Variants in SLIT1 observed in about 807,000 individuals in gnomAD.
The protein encoded by SLIT1 is slit guidance ligand 1.
In SLIT1, 66 loss-of-function variants were observed where a neutral mutation model predicts 186.1. The observed-to-expected ratio is 0.35, with a 90% CI of 0.29 to 0.44. SLIT1 has a LOEUF of 0.44. Ranked by LOEUF, SLIT1 falls within the 20% of genes least tolerant of loss-of-function variation. The pLI is 1.00. For synonymous variants in SLIT1, 761 were observed against 833.8 expected (o/e 0.91, Z 1.50); for missense variants, 1,638 against 2,037.4 (o/e 0.80, Z 3.77).
chr10:97,068,326 G>C lies in SLIT1; in HGVS notation c.414-2240C>G, dbSNP rs1057113712. Among the ~76,000 whole-genome samples the C allele has an allele frequency of 5.3e-5, 8 of 152,110 alleles. No homozygotes were observed. The East Asian group carries it at 7.7e-4, about 15-fold the overall frequency. ...AGGCACCCTTCCCCTCCCGAGCCCA[G>C]TTTCCTCATGTACAAAATGGGAAAA... is the stretch of plus-strand genomic sequence containing the variant. On this transcript the variant is annotated intron_variant, in intron 4 of 36. Coordinates refer to ENST00000266058, the MANE Select transcript of SLIT1 (RefSeq NM_003061.3). The surrounding 1 kb of genome is among the most constrained non-coding windows in gnomAD (Gnocchi z 4.2).
In SLIT1 at chr10:97,018,099, G is replaced by A. The variant is rs12254983; in HGVS notation, c.2969+487C>T. Among the ~76,000 whole-genome samples, 912 of 152,076 alleles carry A rather than the reference G, an allele frequency of 6.0e-3. 12 individuals are homozygous for A. The highest frequency in any genetic ancestry group is 0.02 in the African/African-American group (841 of 41,486). ...CCTGACCTCGTGATCTGCCCACCTC[G>A]GCCTCCCAAAGTGTTGGGATTACAG... On this transcript the variant is annotated intron_variant, in intron 28 of 36. Coordinates refer to ENST00000266058, the MANE Select transcript of SLIT1 (RefSeq NM_003061.3).
intron 4 of SLIT1, among the ~76,000 whole-genome samples, chr10:97,103,925 G>A (rs989180470): frequency 2.0e-5 from 3 of 152,236 alleles, no homozygotes; most frequent in African/African-American, 7.2e-5. Flanking sequence ...CTCCCACGGC[G>A]GGAGTGCAGA....
intron 4 of SLIT1, among the ~76,000 whole-genome samples, chr10:97,115,268 G>T (rs1194079722): frequency 6.6e-6 from 1 of 152,150 alleles, no homozygotes; most frequent in Non-Finnish European, 1.5e-5. Context: ...AATGCTTGAG[G>T]CTCAACATCC....
At chr10:97,061,950 G>A (rs1029601248) in intron 8 of SLIT1, among the ~76,000 whole-genome samples, 7 of 152,200 alleles carry the variant, frequency 4.6e-5, no homozygotes, top group African/African-American at 1.4e-4. Context: ...AAAGCTACAT[G>A]GATTCCTGGC....
intron 4 of SLIT1, among the ~76,000 whole-genome samples, chr10:97,125,733 G>A (rs1206678393): frequency 3.9e-5 from 6 of 151,972 alleles, no homozygotes; most frequent in Non-Finnish European, 8.8e-5. Flanking sequence ...CAGCTACTCG[G>A]GAGGCTGAGG....
intron 14 of SLIT1, among the ~76,000 whole-genome samples, chr10:97,048,365 G>A (rs539150892): frequency 1.3e-5 from 2 of 152,282 alleles, no homozygotes; most frequent in Admixed American, 6.5e-5. Flanking sequence ...CAGATGCCAC[G>A]TGGACTACAA....
chr10:97,016,170 G>A (rs7093792), intron 28 of SLIT1, among the ~76,000 whole-genome samples: 16,004 of 151,946 alleles, frequency 0.11, 1,326 homozygotes, highest in East Asian at 0.31. Context: ...TTAGCCGGGT[G>A]TGGTGGTGCA....
intron 4 of SLIT1, among the ~76,000 whole-genome samples, chr10:97,131,037 A>G (rs1373668983): frequency 6.6e-6 from 1 of 152,200 alleles, no homozygotes; most frequent in East Asian, 1.9e-4. Flanking sequence ...CAGGACATAG[A>G]ACAGAGCCTG....
intron 4 of SLIT1, among the ~76,000 whole-genome samples, chr10:97,120,001 A>G (rs371438914): frequency 7.0e-6 from 1 of 143,662 alleles, no homozygotes; most frequent in South Asian, 2.2e-4. Context: ...TTTATCTGTC[A>G]GTTACCTTCT....
intron 25 of SLIT1, among the ~76,000 whole-genome samples, chr10:97,024,914 A>C (rs1848532083): frequency 6.6e-6 from 1 of 152,156 alleles, no homozygotes; most frequent in Non-Finnish European, 1.5e-5. Context: ...GTCCCTCCAT[A>C]AATGTCAGCA....
At chr10:97,104,922 C>T (rs1849397649) in intron 4 of SLIT1, among the ~76,000 whole-genome samples, 1 of 152,156 alleles carries the variant, frequency 6.6e-6, no homozygotes, top group South Asian at 2.1e-4. Flanking sequence ...CCCCAGGAAA[C>T]CCCACCTCCC....
intron 1 of SLIT1, among the ~76,000 whole-genome samples, chr10:97,166,557 A>AAG (rs796735405): frequency 1.1e-3 from 62 of 55,178 alleles, no homozygotes; most frequent in Middle Eastern, 7.7e-3. Flanking sequence ...GAAGGAAGGA[A>AAG]AGAGAGAGAG....
intron 4 of SLIT1, among the ~76,000 whole-genome samples, chr10:97,106,413 A>AATGG (rs1247796503): frequency 2.7e-4 from 41 of 152,284 alleles, no homozygotes; most frequent in African/African-American, 9.6e-4. Flanking sequence ...TGAACGAATG[A>AATGG]ATGAATGAAT....
At chr10:97,081,441 C>T (rs1267730647) in intron 4 of SLIT1, among the ~76,000 whole-genome samples, 1 of 152,206 alleles carries the variant, frequency 6.6e-6, no homozygotes, top group Non-Finnish European at 1.5e-5. Context: ...TCCATTCCCT[C>T]TTCCTCAGGG....
At chr10:97,115,206 A>G (rs1255610722) in intron 4 of SLIT1, among the ~76,000 whole-genome samples, 1 of 152,172 alleles carries the variant, frequency 6.6e-6, no homozygotes, top group Admixed American at 6.5e-5. Context: ...GTTGGTTTAG[A>G]GATTGCCCAC....
rs751175873 is a variant in SLIT1 at position 97,030,788 on chromosome 10, T to C, written c.2551A>G (p.Ile851Val). Residue 851 changes from isoleucine to valine, a missense_variant, in exon 25 of 37, where the codon ATC becomes GTC. Coordinates refer to ENST00000266058, the MANE Select transcript of SLIT1 (RefSeq NM_003061.3). ...GNDISTLQEGIFADVTSLSHL... is the reference protein window; with the variant it reads ...GNDISTLQEGVFADVTSLSHL... ...GACAGGGAGGTCACGTCTGCAAAGA[T>C]GCCCTCTTGGAGGGTGGAGATGTCA... The C allele has an allele frequency of 6.2e-7, 1 of 1,614,046 alleles. No individual in the cohort carries two copies. The highest frequency in any genetic ancestry group is 1.1e-5 in the South Asian group (1 of 91,036).
At position 97,056,411 on chromosome 10, in the gene SLIT1, A is replaced by T. The variant is rs1299756846; in HGVS notation, c.1211T>A (p.Leu404Gln). 1 of 1,614,174 alleles carries T rather than the reference A, an allele frequency of 6.2e-7. No homozygotes were observed. The highest frequency in any genetic ancestry group is 8.5e-7 in the Non-Finnish European group (1 of 1,179,996). ...NCIRPDAFQD[L>Q]QNLSLLSLYD... is the part of the protein sequence containing the mutation. ...CAGGGAGAGCAGTGAGAGGTTCTGC[A>T]GGTCCTGGAAGGCATCGGGCCGGAT... is the stretch of plus-strand genomic sequence containing the variant. The change falls in exon 13 of 37, where the codon CTG (leucine) becomes CAG (glutamine). Residue 404 changes from leucine (L) to glutamine (Q), a missense_variant. Around this residue, in one of 3 missense-constraint regions of SLIT1, gnomAD observed 1,245 missense variants for 1,535.3 expected, o/e 0.81. Transcript: ENST00000266058.
At chr10:97,037,481 A>G (rs1259157138) in intron 22 of SLIT1, among the ~76,000 whole-genome samples, 2 of 152,132 alleles carry the variant, frequency 1.3e-5, no homozygotes, top group African/African-American at 4.8e-5. Context: ...AGGAGGAGGC[A>G]GGTCCAACCC....
At chr10:97,142,449 GAT>G (rs1849776097) in intron 4 of SLIT1, among the ~76,000 whole-genome samples, 1 of 152,118 alleles carries the variant, frequency 6.6e-6, no homozygotes. Context: ...ACCCTTATCT[GAT>G]ACCATATACA....
Sources: allele counts gnomAD v4.1 joint callset (sites outside exome capture counted in the v4.1 genomes callset), GRCh38; gene constraint gnomAD v4.1.1; regional missense constraint gnomAD v4.1.1; non-coding constraint Gnocchi (gnomAD v3.1); transcripts MANE v1.5; gene names NCBI Gene and HGNC (gene_info 2026-07-23, HGNC 2026-07-21).